GHRHR: variants seen among roughly 807,000 people sequenced by gnomAD.
GHRHR encodes the protein growth hormone-releasing hormone receptor.
A neutral mutation model predicts 58.3 loss-of-function variants in GHRHR; 40 were observed. The observed-to-expected ratio is 0.69, with a 90% CI of 0.53 to 0.89. The LOEUF (loss-of-function observed/expected upper bound fraction) is 0.89, where lower values mean the gene tolerates loss of function less well. Ranked by LOEUF, GHRHR falls within the 40% of genes least tolerant of loss-of-function variation. GHRHR has a pLI of 0.00. For missense variants in GHRHR, 551 were observed against 541.3 expected, an observed-to-expected ratio of 1.02 and a Z score of -0.18; for synonymous variants, 249 against 216.6, an observed-to-expected ratio of 1.15 and a Z score of -1.31.
rs1289421747 is a variant in GHRHR at position 30,974,043 on chromosome 7, G to C, written c.656G>C (p.Trp219Ser). 3 of 1,613,956 alleles carry C rather than the reference G, an allele frequency of 1.9e-6. No individual in the cohort carries two copies. The highest frequency in any genetic ancestry group is 1.7e-5 in the Admixed American group (1 of 60,010). The change falls in exon 7 of 13, where the codon TGG (tryptophan) becomes TCG (serine). Residue 219 changes from tryptophan (W) to serine (S), a missense_variant. Physicochemically the swap from Trp to Ser is radical, Grantham distance 177. Transcript: ENST00000326139. ...TTCGCCACCATGACCAACTTCAGCT[G>C]GCTGTTGGCAGAAGCCGTCTACCTG... ...SHFATMTNFS[W>S]LLAEAVYLNC...
rs143931405 is a variant in GHRHR, at chr7:30,965,151, G to A, written c.57+1026G>A. ...TCTGATTTGTCAAGGGCTGGGCATA[G>A]GGGTGCAACACAGGAAACTTCGACT... On this transcript the variant is annotated intron_variant, in intron 1 of 12. Coordinates refer to ENST00000326139, the MANE Select transcript of GHRHR (RefSeq NM_000823.4). 3.0e-3 allele frequency among the ~76,000 whole-genome samples: 455 copies of A among 152,304 alleles called. 5 individuals carry two copies. Among genetic ancestry groups the A allele is most frequent in the African/African-American group, 0.01 (424 of 41,572 alleles).
chr7:30,970,979 A>G (rs1240654275), intron 4 of GHRHR, 140 bp from the exon 5 acceptor site: 7 of 697,826 alleles, frequency 1.0e-5, no homozygotes, highest in Admixed American at 2.0e-5. Flanking sequence ...GGAGCTTTCC[A>G]TGGTACTCGC....
intron 1 of GHRHR, 82 bp downstream of exon 1, chr7:30,964,207 A>G (rs1462423065): frequency 1.6e-6 from 2 of 1,224,844 alleles, no homozygotes; most frequent in Non-Finnish European, 1.2e-6. Flanking sequence ...AGCCTGGCGG[A>G]GACCCTACTG....
chr7:30,976,739 T>C (rs1792592883), intron 11 of GHRHR, among the ~76,000 whole-genome samples, 181 bp downstream of exon 11: 1 of 152,088 alleles, frequency 6.6e-6, no homozygotes. Flanking sequence ...TACCCATGCA[T>C]TCTTCCATCC....
chr7:30,976,264 G>A lies in GHRHR; in HGVS notation c.975-165G>A, dbSNP rs10245096. Among the ~76,000 whole-genome samples the A allele has an allele frequency of 0.056, 8,591 of 152,190 alleles. 319 individuals carry two copies. Among genetic ancestry groups the A allele is most frequent in the African/African-American group, 0.094 (3,893 of 41,506 alleles). On this transcript the variant is annotated intron_variant, in intron 10 of 12. Coordinates refer to ENST00000326139, the MANE Select transcript of GHRHR (RefSeq NM_000823.4). ...GGTAGGGGAATCAGCAGGATCCAGC[G>A]CCCAGAAATAAAAAAGCCCAGAGTG...
At chr7:30,975,694 C>T in intron 9 of GHRHR, 83 bp from the exon 10 acceptor site, 1 of 793,918 alleles carries the variant, frequency 1.3e-6, no homozygotes, top group Non-Finnish European at 2.3e-6. Context: ...TTTTCTAGTC[C>T]CCAAATGGGC....
intron 3 of GHRHR, chr7:30,969,563 G>A (rs1341002056): frequency 1.5e-5 from 9 of 603,266 alleles, no homozygotes; most frequent in Non-Finnish European, 2.6e-5. Context: ...CTGGGACAGT[G>A]AGGGCCTCTT....
At chr7:30,967,789 T>C (rs1407419355) in intron 1 of GHRHR, among the ~76,000 whole-genome samples, 3 of 152,212 alleles carry the variant, frequency 2.0e-5, no homozygotes, top group Non-Finnish European at 4.4e-5. Context: ...TTCATCCATC[T>C]TCTCTCTCAC....
chr7:30,967,780 T>C (rs959306151), intron 1 of GHRHR, among the ~76,000 whole-genome samples: 1 of 152,184 alleles, frequency 6.6e-6, no homozygotes, highest in Admixed American at 6.5e-5. Flanking sequence ...GCTCATTCAT[T>C]CATCCATCTT....
Position 30,969,060 on chromosome 7 carries a change from C to A in GHRHR, c.161-3C>A. Reference sequence around the variant, plus strand: ...TCTCTGCTGCTCCTGGCTCTCTATCCAGGCTGCCCTGCGACCTGGGATGGG... The same window carrying A: ...TCTCTGCTGCTCCTGGCTCTCTATCAAGGCTGCCCTGCGACCTGGGATGGG... On this transcript the variant is annotated splice_region_variant and splice_polypyrimidine_tract_variant and intron_variant, in intron 2 of 12. Transcript: ENST00000326139. 1 of 1,577,746 alleles carries A rather than the reference C, an allele frequency of 6.3e-7. No homozygotes were observed. Among genetic ancestry groups the A allele is most frequent in the Non-Finnish European group, 8.6e-7 (1 of 1,160,788 alleles).
intron 3 of GHRHR, 42 bp from the exon 4 acceptor site, chr7:30,969,825 G>A: frequency 1.2e-6 from 2 of 1,608,316 alleles, no homozygotes; most frequent in Non-Finnish European, 1.7e-6. Flanking sequence ...CTCCTGGGGA[G>A]AGGGAAGGAG....
chr7:30,968,669 C>T (rs868599964), intron 1 of GHRHR, among the ~76,000 whole-genome samples, 165 bp from the exon 2 acceptor site: 3 of 131,512 alleles, frequency 2.3e-5, no homozygotes, highest in Non-Finnish European at 4.7e-5. Context: ...TTCCTTCCAT[C>T]TGAACATCTA....
Position 30,971,140 on chromosome 7 carries a change from A to G in GHRHR, c.388A>G (p.Lys130Glu), listed in dbSNP as rs544695401. Residue 130 changes from lysine (K) to glutamate (E), a missense_variant, in exon 5 of 13, where the codon AAG becomes GAG. Coordinates refer to ENST00000326139, the MANE Select transcript of GHRHR (RefSeq NM_000823.4). ...AEEESYFSTV[K>E]IIYTVGHSIS... ...CCAGGAATCTTACTTCTCCACAGTG[A>G]AGATTATCTACACCGTGGGCCATAG... is the stretch of plus-strand genomic sequence containing the variant. The G allele has an allele frequency of 1.3e-6, 2 of 1,487,938 alleles. No individual in the cohort carries two copies. The highest frequency in any genetic ancestry group is 1.8e-6 in the Non-Finnish European group (2 of 1,087,312). 92.2% of individuals were successfully genotyped at this position (1,487,938 alleles called of 1,614,324 possible). A position where few individuals can be genotyped will look rare whatever the true frequency, so the allele number is the denominator to read the frequency against.
intron 6 of GHRHR, among the ~76,000 whole-genome samples, chr7:30,973,127 GA>G (rs2128598076): frequency 6.6e-6 from 1 of 152,258 alleles, no homozygotes; most frequent in East Asian, 1.9e-4. Context: ...GTAAGCTAGA[GA>G]AAAAATTTTA....
chr7:30,967,507 C>A (rs1276552719), intron 1 of GHRHR, among the ~76,000 whole-genome samples: 2 of 151,988 alleles, frequency 1.3e-5, no homozygotes, highest in African/African-American at 4.8e-5. Flanking sequence ...AGGTTATGAT[C>A]CTTTCATCTA....
intron 4 of GHRHR, 60 bp downstream of exon 4, chr7:30,970,024 C>A (rs1792450677): frequency 2.5e-6 from 2 of 806,124 alleles, no homozygotes; most frequent in Non-Finnish European, 4.5e-6. Context: ...TGGGTGGGTG[C>A]ACAACTGTAG....
chr7:30,964,696 A>G (rs1792304923), intron 1 of GHRHR, among the ~76,000 whole-genome samples: 1 of 152,246 alleles, frequency 6.6e-6, no homozygotes, highest in Admixed American at 6.5e-5. Flanking sequence ...TCCAGCACTT[A>G]GGGGATCCAT....
At position 30,979,214 on chromosome 7, in the gene GHRHR, G is replaced by A. The variant is rs28371562; in HGVS notation, c.1242G>A (p.Ser414=). ...CTAAGTGGACCACGCCTTCCCGCTCGGCGGCAAAGGTGCTGACATCTATGT... is the reference window on the plus strand; with the variant it reads ...CTAAGTGGACCACGCCTTCCCGCTCAGCGGCAAAGGTGCTGACATCTATGT... ...TRAKWTTPSR[S]AAKVLTSMC Residue 414 remains serine (S), a synonymous_variant, in exon 13 of 13, where the codon TCG becomes TCA. Transcript: ENST00000326139. 1.7e-4 allele frequency: 267 copies of A among 1,613,910 alleles called. No individual in the cohort carries two copies. Among genetic ancestry groups the A allele is most frequent in the Non-Finnish European group, 3.9e-5 (46 of 1,179,928 alleles).
At chr7:30,976,957 C>T (rs1180416957) in intron 11 of GHRHR, among the ~76,000 whole-genome samples, 1 of 146,114 alleles carries the variant, frequency 6.8e-6, no homozygotes, top group East Asian at 2.2e-4. Context: ...TCCATCTATC[C>T]ATCCATCCAC....
Sources: gnomAD v4.1 joint callset for allele counts (sites outside exome capture counted in the v4.1 genomes callset) on GRCh38, gnomAD v4.1.1 for gene constraint, MANE v1.5 for transcripts, NCBI Gene and HGNC (gene_info 2026-07-23, HGNC 2026-07-21) for gene names.